Variants in COBLL1 observed in about 807,000 individuals in gnomAD.
COBLL1 encodes cordon-bleu protein-like 1.
In COBLL1, 50 loss-of-function variants were observed where a neutral mutation model predicts 94.8. That is an observed-to-expected ratio of 0.53 (90% CI 0.42 to 0.67). The LOEUF is 0.67. COBLL1 is among the 30% of genes least tolerant of loss of function. COBLL1 has a pLI of 0.00. For missense variants in COBLL1, 1,362 were observed against 1,348.7 expected (o/e 1.01, Z -0.15); for synonymous variants, 448 against 473.8 (o/e 0.95, Z 0.71).
chr2:164,726,700 A>G (rs1574478950), intron 5 of COBLL1, among the ~76,000 whole-genome samples: 1 of 152,224 alleles, frequency 6.6e-6, no homozygotes, highest in Non-Finnish European at 1.5e-5. Flanking sequence ...TTCACAAACA[A>G]TGACTGCAAA....
intron 4 of COBLL1, 116 bp from the exon 5 acceptor site, chr2:164,728,313 T>C: frequency 1.6e-6 from 1 of 631,060 alleles, no homozygotes; most frequent in Non-Finnish European, 2.7e-6. Context: ...TAAACAGTAC[T>C]TTCCTATTTG....
chr2:164,773,670 A>C (rs1169749921), intron 2 of COBLL1: 10 of 905,372 alleles, frequency 1.1e-5, no homozygotes, highest in Non-Finnish European at 1.5e-5. Flanking sequence ...GGAAAGGTTA[A>C]ATTATTTTAA....
chr2:164,746,027 C>A (rs1469564183), intron 2 of COBLL1, among the ~76,000 whole-genome samples: 1 of 152,148 alleles, frequency 6.6e-6, no homozygotes, highest in African/African-American at 2.4e-5. Flanking sequence ...TTGGTAATAG[C>A]AACAAAAATG....
Position 164,725,133 on chromosome 2 carries a change from T to TAA in COBLL1, c.662-2613_662-2612dup, listed in dbSNP as rs1290290600. 5.7e-3 allele frequency: 319 copies of TAA among 56,160 alleles called. 3 individuals are homozygous for TAA. Among genetic ancestry groups the TAA allele is most frequent in the Non-Finnish European group, 8.9e-3 (258 of 29,128 alleles). 3.5% of individuals were successfully genotyped at this position (56,160 alleles called of 1,614,324 possible). A position where few individuals can be genotyped will look rare whatever the true frequency, so the allele number is the denominator to read the frequency against. On this transcript the variant is annotated intron_variant, in intron 5 of 13. Transcript: ENST00000652658. ...ATATATATATATATATATATATATATAAAATGAAAGCAGTGGTATTACTCC... is the reference window on the plus strand; with the variant it reads ...ATATATATATATATATATATATATATAAAAAATGAAAGCAGTGGTATTACTCC...
rs1459069716 is a variant in COBLL1, at chr2:164,704,425, T to C, written c.1225+19A>G. The C allele has an allele frequency of 4.6e-6, 7 of 1,515,118 alleles. No homozygotes were observed. The highest frequency in any genetic ancestry group is 3.3e-5 in the Admixed American group (2 of 59,764). The allele number at this position is 1,515,118 out of a possible 1,614,324, so 93.9% of individuals were successfully genotyped here. A position where few individuals can be genotyped will look rare whatever the true frequency, so the allele number is the denominator to read the frequency against. On this transcript the variant is annotated intron_variant, in intron 9 of 13. Transcript: ENST00000652658. ...GTCCTTTTTCAGTAATTACACCATG[T>C]AGAATAAGGGTGTCATACCTGGGCT...
intron 2 of COBLL1, among the ~76,000 whole-genome samples, chr2:164,827,386 G>A (rs899955648): frequency 6.6e-6 from 1 of 152,044 alleles, no homozygotes; most frequent in Non-Finnish European, 1.5e-5. Flanking sequence ...CATAATATTT[G>A]CAGTTTTGTA....
intron 2 of COBLL1, among the ~76,000 whole-genome samples, chr2:164,805,283 GTCTGTC>G (rs1483589910): frequency 3.4e-5 from 1 of 29,774 alleles, no homozygotes; most frequent in Non-Finnish European, 6.5e-5. Context: ...TATTCTCTCT[GTCTGTC>G]TCTCTCTCTC....
intron 13 of COBLL1, chr2:164,687,237 G>T (rs1683345443): frequency 2.6e-6 from 1 of 378,732 alleles, no homozygotes; most frequent in East Asian, 4.2e-5. Flanking sequence ...TGGAGAGGAA[G>T]TAGAATTTAT....
chr2:164,665,359 A>G (rs577229851), intron 2 of COBLL1, among the ~76,000 whole-genome samples: 9 of 151,492 alleles, frequency 5.9e-5, no homozygotes, highest in African/African-American at 9.7e-5. Flanking sequence ...AGAAAGAAAG[A>G]AAGAAAGAAT....
chr2:164,737,905 G>A (rs1307674516), intron 3 of COBLL1, among the ~76,000 whole-genome samples: 1 of 152,168 alleles, frequency 6.6e-6, no homozygotes, highest in African/African-American at 2.4e-5. Flanking sequence ...TATGGGACAG[G>A]TAAATCAGGC....
intron 2 of COBLL1, among the ~76,000 whole-genome samples, chr2:164,799,376 G>A (rs940437577): frequency 6.6e-6 from 1 of 152,052 alleles, no homozygotes; most frequent in Non-Finnish European, 1.5e-5. Flanking sequence ...ATCCCAAAAC[G>A]AAAATACTTG....
intron 1 of COBLL1, among the ~76,000 whole-genome samples, chr2:164,672,676 G>A (rs896573104): frequency 1.4e-5 from 2 of 139,200 alleles, no homozygotes; most frequent in African/African-American, 2.9e-5. Context: ...TCCGCAGTCC[G>A]GCCTGGGCGA....
downstream of COBLL1, among the ~76,000 whole-genome samples, chr2:164,676,685 T>TG (rs1459802312): frequency 4.2e-4 from 63 of 151,632 alleles, 1 homozygote; most frequent in African/African-American, 1.5e-3. Flanking sequence ...TGCTTTTTTT[T>TG]TTTCCCCCCC....
chr2:164,841,132 G>A lies in COBLL1; in HGVS notation c.41+24C>T. The A allele has an allele frequency of 1.6e-6, 2 of 1,229,548 alleles. No individual in the cohort carries two copies. Among genetic ancestry groups the A allele is most frequent in the South Asian group, 4.1e-5 (1 of 24,318 alleles). 76.2% of individuals were successfully genotyped at this position (1,229,548 alleles called of 1,614,324 possible). On this transcript the variant is annotated intron_variant, in intron 2 of 13. Coordinates refer to ENST00000652658, the MANE Select transcript of COBLL1 (RefSeq NM_001365672.2). The surrounding 1 kb of genome is among the most constrained non-coding windows in gnomAD (Gnocchi z 5.5). ...GCCGGCCTCGCCCTCCCCGGTGAGAGGCGGCGCGGCGCTCTGGGCTTACCT... is the reference window on the plus strand; with the variant it reads ...GCCGGCCTCGCCCTCCCCGGTGAGAAGCGGCGCGGCGCTCTGGGCTTACCT...
At chr2:164,690,408 A>G (rs574670301) in intron 13 of COBLL1, among the ~76,000 whole-genome samples, 1 of 152,348 alleles carries the variant, frequency 6.6e-6, no homozygotes, top group East Asian at 1.9e-4. Flanking sequence ...GGAAACAATT[A>G]TAGGATAATC....
At chr2:164,712,748 G>GT (rs1684961576) in intron 7 of COBLL1, among the ~76,000 whole-genome samples, 1 of 141,594 alleles carries the variant, frequency 7.1e-6, no homozygotes, top group Non-Finnish European at 1.5e-5. Context: ...AAAATAAGCT[G>GT]TGAGTTTTTA....
chr2:164,810,481 A>C (rs1260461754), intron 2 of COBLL1, among the ~76,000 whole-genome samples: 1 of 151,704 alleles, frequency 6.6e-6, no homozygotes, highest in African/African-American at 2.4e-5. Flanking sequence ...TTGTTATAGC[A>C]ATATAGAAGT....
At chr2:164,707,957 A>G (rs1158832819) in intron 7 of COBLL1, among the ~76,000 whole-genome samples, 3 of 152,130 alleles carry the variant, frequency 2.0e-5, no homozygotes, top group Non-Finnish European at 4.4e-5. Context: ...CCCCAAAGAA[A>G]AGGGTTTGAG....
At chr2:164,758,114 G>C (rs552009591) in intron 2 of COBLL1, among the ~76,000 whole-genome samples, 1 of 152,152 alleles carries the variant, frequency 6.6e-6, no homozygotes, top group East Asian at 1.9e-4. Context: ...TGAGTCACAA[G>C]ACAGTCAACA....
Sources: gnomAD v4.1 joint callset for allele counts (sites outside exome capture counted in the v4.1 genomes callset) on GRCh38, gnomAD v4.1.1 for gene constraint, Gnocchi (gnomAD v3.1) non-coding constraint, MANE v1.5 for transcripts, NCBI Gene and HGNC (gene_info 2026-07-23, HGNC 2026-07-21) for gene names.